Variants in DLGAP5 observed in about 807,000 individuals in gnomAD.
DLGAP5 encodes the protein disks large-associated protein 5.
A neutral mutation model predicts 99.6 loss-of-function variants in DLGAP5; 90 were observed. The observed-to-expected ratio is 0.90, with a 90% CI of 0.76 to 1.08. The LOEUF (loss-of-function observed/expected upper bound fraction) is 1.08, where lower values mean the gene tolerates loss of function less well. Ranked by LOEUF, DLGAP5 falls within the 50% of genes least tolerant of loss-of-function variation. The pLI is 0.00. For synonymous variants in DLGAP5, 311 were observed against 321.3 expected, an observed-to-expected ratio of 0.97 and a Z score of 0.34; for missense variants, 1,036 against 983.5, an observed-to-expected ratio of 1.05 and a Z score of -0.71.
At chr14:55,184,917 T>C (rs996079932) in intron 2 of DLGAP5, among the ~76,000 whole-genome samples, 10 of 152,330 alleles carry the variant, frequency 6.6e-5, no homozygotes, top group African/African-American at 2.2e-4. Flanking sequence ...ATAATCAATA[T>C]TTATTGTTTT....
At chr14:55,187,435 C>T (rs552300025) in intron 2 of DLGAP5, among the ~76,000 whole-genome samples, 7 of 151,468 alleles carry the variant, frequency 4.6e-5, no homozygotes, top group South Asian at 2.1e-4. Flanking sequence ...TCTCCTGCCT[C>T]GGCCTCCTGA....
chr14:55,182,501 C>A, intron 3 of DLGAP5, 69 bp from the exon 4 acceptor site: 1 of 1,333,586 alleles, frequency 7.5e-7, no homozygotes. Context: ...TATCTTATTA[C>A]AAAATAAAGT....
intron 12 of DLGAP5, 101 bp from the exon 13 acceptor site, chr14:55,163,176 AATG>A (rs769219930): frequency 8.9e-5 from 51 of 574,148 alleles, no homozygotes; most frequent in Non-Finnish European, 1.2e-4. Flanking sequence ...GTGATTCAGA[AATG>A]ATGAGTTATT....
intron 11 of DLGAP5, among the ~76,000 whole-genome samples, chr14:55,169,864 G>A (rs916662309): frequency 4.4e-5 from 6 of 135,202 alleles, no homozygotes; most frequent in Non-Finnish European, 1.0e-4. Flanking sequence ...TGCGGGCGCG[G>A]TGGCTCATGC....
At chr14:55,177,567 G>T (rs1883121140) in intron 7 of DLGAP5, among the ~76,000 whole-genome samples, 1 of 149,804 alleles carries the variant, frequency 6.7e-6, no homozygotes. Context: ...ATACGGAGTA[G>T]CCCTCCGTCG....
At position 55,152,485 on chromosome 14, in the gene DLGAP5, T is replaced by C. The variant is rs1054922604; in HGVS notation, c.2121+105A>G. On this transcript the variant is annotated intron_variant, in intron 16 of 18. Coordinates refer to ENST00000247191, the MANE Select transcript of DLGAP5 (RefSeq NM_014750.5). ...GAACTACAATTCTACATGACTGATT[T>C]AGATTTCCAACGGAAATTCTGGGGA... is the stretch of plus-strand genomic sequence containing the variant. 4.9e-6 allele frequency: 4 copies of C among 824,622 alleles called. No homozygotes were observed. The African/African-American group carries it at 7.0e-5, about 14-fold the overall frequency. The allele number at this position is 824,622 out of a possible 1,614,324, so 51.1% of individuals were successfully genotyped here.
intron 11 of DLGAP5, 92 bp downstream of exon 11, chr14:55,170,610 T>A (rs965054668): frequency 4.3e-5 from 48 of 1,113,242 alleles, no homozygotes; most frequent in Non-Finnish European, 6.1e-5. Context: ...AATGAAACAA[T>A]AAAGTTAGGC....
chr14:55,175,978 A>G lies in DLGAP5; in HGVS notation c.1090T>C (p.Cys364Arg), dbSNP rs150759912. The G allele has an allele frequency of 3.4e-3, 5,400 of 1,609,124 alleles. 11 individuals are homozygous for G. Among genetic ancestry groups the G allele is most frequent in the Non-Finnish European group, 4.2e-3 (4,925 of 1,177,018 alleles). Residue 364 changes from cysteine to arginine, a missense_variant, in exon 9 of 19, where the codon TGT (cysteine) becomes CGT (arginine). Transcript: ENST00000247191. ...QATKEILAQK[C>R]KTYSTKTIQQ... is the part of the protein sequence containing the mutation. ...ATTGTCTTGGTAGAGTAAGTTTTAC[A>G]TTTTTGTGCCAAAATTTCTTTTGTT...
chr14:55,153,092 A>C (rs528860610), intron 15 of DLGAP5, among the ~76,000 whole-genome samples: 8 of 152,302 alleles, frequency 5.3e-5, no homozygotes, highest in Non-Finnish European at 1.0e-4. Context: ...CTATTTCTAT[A>C]ATTTTATCCG....
At chr14:55,176,792 C>T (rs2139515124) in intron 8 of DLGAP5, among the ~76,000 whole-genome samples, 1 of 151,736 alleles carries the variant, frequency 6.6e-6, no homozygotes, top group East Asian at 1.9e-4. Context: ...TCCTGGCTAA[C>T]ATGGTGAAAC....
chr14:55,180,693 A>G lies in DLGAP5; in HGVS notation c.666T>C (p.Ser222=), dbSNP rs766288070. 1.2e-6 allele frequency: 2 copies of G among 1,614,192 alleles called. No homozygotes were observed. The highest frequency in any genetic ancestry group is 2.2e-5 in the East Asian group (1 of 44,888). ...AAKQVPRTVS[S]TTARKPVTRA... ...TTGTGACTGGCTTTCTTGCTGTGGTAGATGAGACTGTTCTGGGAACCTGCT... is the reference window on the plus strand; with the variant it reads ...TTGTGACTGGCTTTCTTGCTGTGGTGGATGAGACTGTTCTGGGAACCTGCT... The change falls in exon 6 of 19, where the codon TCT becomes TCC. Residue 222 remains serine (S), a synonymous_variant. Coordinates refer to ENST00000247191, the MANE Select transcript of DLGAP5 (RefSeq NM_014750.5).
Position 55,170,726 on chromosome 14 carries a change from G to A in DLGAP5, c.1363C>T (p.Leu455Phe), listed in dbSNP as rs1269897455. 6.2e-7 allele frequency: 1 copy of A among 1,613,530 alleles called. No homozygotes were observed. The highest frequency in any genetic ancestry group is 1.7e-5 in the Admixed American group (1 of 60,010). ...CCATCATCTGGAATGTCCAATTCAAGTTTCCTGTCCCACTCGAAGCAATGT... is the reference window on the plus strand; with the variant it reads ...CCATCATCTGGAATGTCCAATTCAAATTTCCTGTCCCACTCGAAGCAATGT... Reference protein sequence around the residue: ...TSHCFEWDRKLELDIPDDAKD... With the variant: ...TSHCFEWDRKFELDIPDDAKD... The change falls in exon 11 of 19, where the codon CTT (leucine) becomes TTT (phenylalanine). Residue 455 changes from leucine (L) to phenylalanine (F), a missense_variant. Physicochemically the swap from Leu to Phe is conservative, Grantham distance 22. Coordinates refer to ENST00000247191, the MANE Select transcript of DLGAP5 (RefSeq NM_014750.5).
At chr14:55,150,320 T>C (rs867599309) in intron 18 of DLGAP5, 1 of 153,996 alleles carries the variant, frequency 6.5e-6, no homozygotes, top group Admixed American at 6.5e-5. Context: ...TAAATTAACA[T>C]GAGAGAGATA....
chr14:55,149,435 C>G (rs1566491403), intron 18 of DLGAP5, among the ~76,000 whole-genome samples: 1 of 149,638 alleles, frequency 6.7e-6, no homozygotes, highest in Non-Finnish European at 1.5e-5. Flanking sequence ...AGAGCCTGAC[C>G]ACAAAAAAGG....
Position 55,184,155 on chromosome 14 carries a change from GA to G in DLGAP5, c.239-403del, listed in dbSNP as rs570242134. Among the ~76,000 whole-genome samples, 428 of 141,776 alleles carry G rather than the reference GA, an allele frequency of 3.0e-3. 4 individuals are homozygous for G. The highest frequency in any genetic ancestry group is 0.01 in the African/African-American group (398 of 38,480). The allele number at this position is 141,776 out of a possible 152,430, so 93.0% of individuals were successfully genotyped here. A position where few individuals can be genotyped will look rare whatever the true frequency, so the allele number is the denominator to read the frequency against. ...GCAACAGAGCAAGACTCCGTCTCAA[GA>G]AAAAAAAAAAGGCTTTCAATAAGCC... On this transcript the variant is annotated intron_variant, in intron 2 of 18. Transcript: ENST00000247191.
At chr14:55,163,184 G>C in intron 12 of DLGAP5, 109 bp from the exon 13 acceptor site, 1 of 541,844 alleles carries the variant, frequency 1.8e-6, no homozygotes, top group Non-Finnish European at 3.0e-6. Context: ...GAAATGATGA[G>C]TTATTAAAAC....
chr14:55,190,001 AT>A (rs1883556785), intron 1 of DLGAP5, among the ~76,000 whole-genome samples: 1 of 152,184 alleles, frequency 6.6e-6, no homozygotes, highest in African/African-American at 2.4e-5. Flanking sequence ...CTATCAGTCA[AT>A]CATTAGCATA....
chr14:55,189,019 G>A lies in DLGAP5; in HGVS notation c.161C>T (p.Thr54Ile), dbSNP rs1223398754. The A allele has an allele frequency of 2.5e-5, 40 of 1,613,798 alleles. No individual in the cohort carries two copies. The highest frequency in any genetic ancestry group is 3.4e-5 in the Non-Finnish European group (40 of 1,179,968). ...HFGLKDVNIP[T>I]LEGRILVELD... ...TTCAACAAGAATTCTACCTTCCAAG[G>A]TTGGAATGTTTACATCTTTCAAACC... The change falls in exon 2 of 19, where the codon ACC becomes ATC. Residue 54 changes from threonine (T) to isoleucine (I), a missense_variant. Physicochemically the swap from Thr to Ile is moderately conservative, Grantham distance 89. Coordinates refer to ENST00000247191, the MANE Select transcript of DLGAP5 (RefSeq NM_014750.5).
Position 55,152,654 on chromosome 14 carries a change from A to T in DLGAP5, c.2064-7T>A, listed in dbSNP as rs1882058769. ...AGCATCTTCTATGCTGCTCCTAAAG[A>T]AGAAAAAAAGCAGCATTACACTCAT... On this transcript the variant is annotated splice_polypyrimidine_tract_variant and splice_region_variant and intron_variant, in intron 15 of 18. Transcript: ENST00000247191. 3.8e-6 allele frequency: 6 copies of T among 1,590,306 alleles called. No individual in the cohort carries two copies. Among genetic ancestry groups the T allele is most frequent in the African/African-American group, 2.7e-5 (2 of 74,160 alleles).
Sources: allele counts gnomAD v4.1 joint callset (sites outside exome capture counted in the v4.1 genomes callset), GRCh38; gene constraint gnomAD v4.1.1; transcripts MANE v1.5; gene names NCBI Gene and HGNC (gene_info 2026-07-23, HGNC 2026-07-21).